Variants in F13A1 observed in about 807,000 individuals in gnomAD.
F13A1 encodes the protein FSF, A subunit.
Under a neutral mutation model 80.1 loss-of-function variants are expected in F13A1, and 47 were observed. The ratio of observed to expected loss-of-function variants is 0.59; its 90% CI spans 0.46 to 0.75. F13A1 has a LOEUF of 0.75. Ranked by LOEUF, F13A1 falls within the 30% of genes least tolerant of loss-of-function variation. The pLI is 0.00. For missense variants in F13A1, 817 were observed against 930.4 expected, an observed-to-expected ratio of 0.88 and a Z score of 1.59; for synonymous variants, 349 against 344.9, an observed-to-expected ratio of 1.01 and a Z score of -0.13.
chr6:6,295,046 C>G (rs1162395330), intron 3 of F13A1, among the ~76,000 whole-genome samples: 1 of 147,120 alleles, frequency 6.8e-6, no homozygotes, highest in Non-Finnish European at 1.5e-5. Flanking sequence ...TTTCCAATTT[C>G]ATCCATGTCC....
chr6:6,212,021 G>T (rs987129233), intron 8 of F13A1, among the ~76,000 whole-genome samples: 4 of 152,244 alleles, frequency 2.6e-5, no homozygotes, highest in African/African-American at 7.2e-5. Context: ...CTGGCTCGGA[G>T]GGTCCTATGC....
chr6:6,229,812 C>T (rs1326460474), intron 6 of F13A1, among the ~76,000 whole-genome samples: 3 of 152,218 alleles, frequency 2.0e-5, no homozygotes, highest in African/African-American at 4.8e-5. Context: ...CCTCCTCTCC[C>T]GAACACAAAC....
intron 3 of F13A1, among the ~76,000 whole-genome samples, chr6:6,291,075 T>C (rs1457688753): frequency 6.6e-6 from 1 of 152,166 alleles, no homozygotes; most frequent in Non-Finnish European, 1.5e-5. Flanking sequence ...GGTACTCATC[T>C]GCCCCTCTAA....
At chr6:6,174,003 G>A (rs1164884203) in intron 12 of F13A1, among the ~76,000 whole-genome samples, 2 of 152,282 alleles carry the variant, frequency 1.3e-5, no homozygotes, top group East Asian at 3.9e-4. Context: ...ACTTTGAGTA[G>A]CAAGAAGTTA....
intron 3 of F13A1, among the ~76,000 whole-genome samples, chr6:6,294,573 A>AACACAC (rs574168007): frequency 0.054 from 8,188 of 150,986 alleles, 568 homozygotes; most frequent in African/African-American, 0.16. Context: ...TATATGTACA[A>AACACAC]ACACACACAC....
At chr6:6,298,027 A>G (rs1265552519) in intron 3 of F13A1, among the ~76,000 whole-genome samples, 3 of 151,054 alleles carry the variant, frequency 2.0e-5, no homozygotes, top group Non-Finnish European at 4.4e-5. Flanking sequence ...TTCAGGGGCA[A>G]GTTGTTCAGT....
At chr6:6,285,135 G>C (rs1191697445) in intron 3 of F13A1, among the ~76,000 whole-genome samples, 1 of 152,188 alleles carries the variant, frequency 6.6e-6, no homozygotes, top group East Asian at 1.9e-4. Context: ...TGTAATCCCA[G>C]CTACTCAGGA....
In F13A1 at chr6:6,313,280, C is replaced by CTTTTTTTTTTTT. The variant is rs5874027; in HGVS notation, c.130+5243_130+5254dup. 2.6e-4 allele frequency among the ~76,000 whole-genome samples: 33 copies of CTTTTTTTTTTTT among 126,738 alleles called. 1 individual carries two copies. The highest frequency in any genetic ancestry group is 8.8e-4 in the African/African-American group (29 of 32,948). The allele number at this position is 126,738 out of a possible 152,430, so 83.1% of individuals were successfully genotyped here. ...ATGGAACAGCTCATTGCTAAGCCGC[C>CTTTTTTTTTTTT]TTTTTTTTTTTTTTTTTTTTAAATA... On this transcript the variant is annotated intron_variant, in intron 2 of 14. Coordinates refer to ENST00000264870, the MANE Select transcript of F13A1 (RefSeq NM_000129.4).
chr6:6,264,362 G>A (rs1757816074), intron 4 of F13A1, among the ~76,000 whole-genome samples: 1 of 152,102 alleles, frequency 6.6e-6, no homozygotes, highest in African/African-American at 2.4e-5. Context: ...TGTAGCCTAG[G>A]ATTTTCTTTT....
At chr6:6,261,571 G>A (rs1483804532) in intron 4 of F13A1, among the ~76,000 whole-genome samples, 1 of 152,356 alleles carries the variant, frequency 6.6e-6, no homozygotes, top group African/African-American at 2.4e-5. Flanking sequence ...CACAGAAGTG[G>A]CTGAACAAGC....
At chr6:6,270,124 C>T (rs1010248847) in intron 3 of F13A1, among the ~76,000 whole-genome samples, 7 of 152,192 alleles carry the variant, frequency 4.6e-5, no homozygotes, top group African/African-American at 1.7e-4. Flanking sequence ...GTAGTTGTGA[C>T]AGAGTCCCTA....
chr6:6,251,148 GC>G (rs1392644339), intron 4 of F13A1, among the ~76,000 whole-genome samples: 1 of 152,178 alleles, frequency 6.6e-6, no homozygotes, highest in Non-Finnish European at 1.5e-5. Flanking sequence ...ACATTTGTTA[GC>G]AAAATGCTGA....
chr6:6,173,139 G>C (rs1286137204), intron 12 of F13A1, among the ~76,000 whole-genome samples: 2 of 152,190 alleles, frequency 1.3e-5, no homozygotes, highest in Non-Finnish European at 2.9e-5. Context: ...CAATGGACTT[G>C]TGTTGCCCAT....
At position 6,173,817 on chromosome 6, in the gene F13A1, C is replaced by T. The variant is rs1293174500; in HGVS notation, c.1747+763G>A. ...TGGGCGAGAGGCACCAGCAGAGGGC[C>T]TGTTTCTGAGATGGATCATTTAGAT... On this transcript the variant is annotated intron_variant, in intron 12 of 14. Transcript: ENST00000264870. Among the ~76,000 whole-genome samples the T allele has an allele frequency of 2.0e-5, 3 of 152,154 alleles. No homozygotes were observed. In the East Asian group the frequency reaches 5.8e-4, roughly 29 times the overall value.
intron 3 of F13A1, among the ~76,000 whole-genome samples, chr6:6,289,858 T>C (rs1319432150): frequency 1.3e-5 from 2 of 152,042 alleles, no homozygotes; most frequent in Non-Finnish European, 2.9e-5. Context: ...TTCCCCTGGG[T>C]CAATTTCTAT....
chr6:6,153,968 G>A (rs1051181327), intron 13 of F13A1, among the ~76,000 whole-genome samples: 7 of 152,094 alleles, frequency 4.6e-5, no homozygotes, highest in African/African-American at 9.7e-5. Flanking sequence ...CAGGAAAATA[G>A]GTAACTTGAA....
chr6:6,180,258 C>T (rs1760956606), intron 11 of F13A1, among the ~76,000 whole-genome samples: 1 of 152,218 alleles, frequency 6.6e-6, no homozygotes, highest in Non-Finnish European at 1.5e-5. Flanking sequence ...CTAACTTCCT[C>T]CACGAGGTCT....
intron 4 of F13A1, among the ~76,000 whole-genome samples, chr6:6,259,025 C>T (rs541190870): frequency 7.2e-5 from 11 of 152,264 alleles, no homozygotes; most frequent in East Asian, 1.9e-4. Context: ...AGAAGCTATA[C>T]GAAGATTGTG....
chr6:6,303,619 A>T (rs1341307303), intron 3 of F13A1, among the ~76,000 whole-genome samples: 1 of 152,150 alleles, frequency 6.6e-6, no homozygotes, highest in Admixed American at 6.5e-5. Context: ...CATGCTGTGG[A>T]ATAGGTCACT....
Sources: allele counts gnomAD v4.1 joint callset (sites outside exome capture counted in the v4.1 genomes callset), GRCh38; gene constraint gnomAD v4.1.1; transcripts MANE v1.5; gene names NCBI Gene and HGNC (gene_info 2026-07-23, HGNC 2026-07-21).